The following OGT variants were observed in gnomAD, a reference collection of about 807,000 sequenced individuals.
The protein encoded by OGT is O-linked N-acetylglucosamine (GlcNAc) transferase.
A neutral mutation model predicts 75.8 loss-of-function variants in OGT; 3 were observed. The ratio of observed to expected loss-of-function variants is 0.04; its 90% CI spans 0.02 to 0.10. The LOEUF is 0.10. OGT is among the 10% of genes least tolerant of loss of function. The pLI, the probability that OGT is intolerant of heterozygous loss-of-function variation, is 1.00. For synonymous variants in OGT, 257 were observed against 289.7 expected (o/e 0.89, Z 1.15); for missense variants, 260 against 824.4 (o/e 0.32, Z 8.38).
intron 3 of OGT, among the ~76,000 whole-genome samples, chrX:71,541,125 A>C (rs2040215661): frequency 8.9e-6 from 1 of 111,869 alleles, no homozygotes; most frequent in Non-Finnish European, 1.9e-5. Flanking sequence ...TATAACCCTG[A>C]GTTGTTTTAA....
Position 71,573,993 on chromosome X carries a change from A to G in OGT, c.*199A>G, listed in dbSNP as rs1054217056. 18 of 326,836 alleles carry G rather than the reference A, an allele frequency of 5.5e-5. No individual in the cohort carries two copies. Among genetic ancestry groups the G allele is most frequent in the Non-Finnish European group, 8.9e-5 (17 of 190,683 alleles). The allele number at this position is 326,836 out of a possible 1,213,427, so 26.9% of individuals were successfully genotyped here. ...ACAAAAGATGGGAAACTGCTTTTCC[A>G]CAAGGAATCTCCGTAGAATTTTGCG... On this transcript the variant is annotated 3_prime_UTR_variant, in exon 22 of 22. Transcript: ENST00000373719.
intron 4 of OGT, chrX:71,547,162 T>C: frequency 1.3e-5 from 10 of 754,584 alleles, no homozygotes; most frequent in Non-Finnish European, 1.6e-5. Context: ...TCAGTCCTCC[T>C]TGGGAGACGG....
At chrX:71,553,407 T>C (rs2040320935) in intron 5 of OGT, among the ~76,000 whole-genome samples, 1 of 111,812 alleles carries the variant, frequency 8.9e-6, no homozygotes, top group Admixed American at 9.5e-5. Flanking sequence ...GAAGTGTTCT[T>C]TATCAGTCTT....
chrX:71,556,417 G>A (rs1324209493), intron 8 of OGT: 2 of 358,556 alleles, frequency 5.6e-6, no homozygotes, highest in Non-Finnish European at 4.8e-6. Flanking sequence ...AGATGTGGTA[G>A]GAGTTTAGCA....
chrX:71,544,557 G>C lies in OGT; in HGVS notation c.463-10G>C. 8.3e-7 allele frequency: 1 copy of C among 1,205,346 alleles called. No individual in the cohort carries two copies. Among genetic ancestry groups the C allele is most frequent in the East Asian group, 3.0e-5 (1 of 33,807 alleles). On this transcript the variant is annotated splice_polypyrimidine_tract_variant and intron_variant, in intron 3 of 21. Coordinates refer to ENST00000373719, the MANE Select transcript of OGT (RefSeq NM_181672.3). ...GAGTATAATTAATGACAGCGTCTCT[G>C]GGTTTCTAGGATTTGTACTGTGTTC...
chrX:71,543,760 G>T lies in OGT; in HGVS notation c.463-807G>T. 4.8e-5 allele frequency among the ~76,000 whole-genome samples: 3 copies of T among 62,545 alleles called. No homozygotes were observed. The East Asian group carries it at 3.0e-3, about 62-fold the overall frequency. The allele number at this position is 62,545 out of a possible 115,157, so 54.3% of individuals were successfully genotyped here. A position where few individuals can be genotyped will look rare whatever the true frequency, so the allele number is the denominator to read the frequency against. ...TGTGTGTGTGTGTGTGTGTGTGTGT[G>T]TGTGTGTATATATATATATATATAT... On this transcript the variant is annotated intron_variant, in intron 3 of 21. Transcript: ENST00000373719.
At chrX:71,567,807 TGGG>T in intron 20 of OGT, 55 bp downstream of exon 20, 1 of 1,136,828 alleles carries the variant, frequency 8.8e-7, no homozygotes, top group South Asian at 2.1e-5. Context: ...AATCTCCGTT[TGGG>T]GGAGAAACTT....
Position 71,559,600 on chromosome X carries a change from G to T in OGT, c.1774G>T (p.Ala592Ser), listed in dbSNP as rs1474188898. The change falls in exon 14 of 22, where the codon GCC (alanine) becomes TCC (serine). Residue 592 changes from alanine to serine, a missense_variant. By Grantham distance (99) the Ala-to-Ser change is moderately conservative. Coordinates refer to ENST00000373719, the MANE Select transcript of OGT (RefSeq NM_181672.3). ...TGCTGCCTTTCAGGTGTTCTGTTAT[G>T]CCCTGAGCCCAGACGATGGCACAAA... is the stretch of plus-strand genomic sequence containing the variant. Reference protein sequence around the residue: ...NPDKFEVFCYALSPDDGTNFR... With the variant: ...NPDKFEVFCYSLSPDDGTNFR... 1 of 1,209,866 alleles carries T rather than the reference G, an allele frequency of 8.3e-7. No individual in the cohort carries two copies.
chrX:71,561,820 A>C lies in OGT; in HGVS notation c.1897A>C (p.Ile633Leu). The change falls in exon 15 of 22, where the codon ATT (isoleucine) becomes CTT (leucine). Residue 633 changes from isoleucine (I) to leucine (L), a missense_variant. Coordinates refer to ENST00000373719, the MANE Select transcript of OGT (RefSeq NM_181672.3). ...KAADRIHQDGIHILVNMNGYT... is the reference protein window; with the variant it reads ...KAADRIHQDGLHILVNMNGYT... Reference sequence around the variant, plus strand: ...AGCTGATCGCATCCATCAGGATGGAATTCATATCCTTGTAAATATGAATGG... The same window carrying C: ...AGCTGATCGCATCCATCAGGATGGACTTCATATCCTTGTAAATATGAATGG... 8.3e-7 allele frequency: 1 copy of C among 1,207,305 alleles called. No homozygotes were observed. The highest frequency in any genetic ancestry group is 1.8e-5 in the South Asian group (1 of 56,377).
chrX:71,538,405 T>C (rs1207543584), intron 3 of OGT, among the ~76,000 whole-genome samples: 1 of 112,391 alleles, frequency 8.9e-6, no homozygotes, highest in Non-Finnish European at 1.9e-5. Flanking sequence ...AGTTAATTGA[T>C]TTTCAAGGAA....
At chrX:71,554,769 T>C (rs970769321) in intron 6 of OGT, among the ~76,000 whole-genome samples, 177 bp downstream of exon 6, 2 of 112,354 alleles carry the variant, frequency 1.8e-5, no homozygotes, top group Non-Finnish European at 3.8e-5. Context: ...TTGCCTGACT[T>C]TTTGTTGTTG....
intron 21 of OGT, among the ~76,000 whole-genome samples, chrX:71,568,692 G>C (rs1602156480): frequency 9.0e-6 from 1 of 110,814 alleles, no homozygotes; most frequent in African/African-American, 3.3e-5. Context: ...GTTGGGTGTG[G>C]TGGCATGTGC....
rs753556583 is a variant in OGT, at chrX:71,563,361, T to C, written c.2298T>C (p.Asp766=). Residue 766 remains aspartate (D), a synonymous_variant, in exon 18 of 22, where the codon GAT becomes GAC. Transcript: ENST00000373719. The part of the protein sequence containing the change: ...MKCPDGGDNA[D]SSNTALNMPV... ...GTCCTGATGGAGGAGACAATGCAGA[T>C]AGCAGTAACACAGCTCTTAATATGC... The C allele has an allele frequency of 1.7e-6, 2 of 1,206,826 alleles. No homozygotes were observed. The highest frequency in any genetic ancestry group is 1.1e-6 in the Non-Finnish European group (1 of 892,980).
At chrX:71,568,251 C>A in intron 21 of OGT, 135 bp downstream of exon 21, 1 of 442,344 alleles carries the variant, frequency 2.3e-6, no homozygotes, top group Non-Finnish European at 3.5e-6. Flanking sequence ...AGAAGTACTT[C>A]TAAACTCTTA....
intron 3 of OGT, among the ~76,000 whole-genome samples, chrX:71,540,935 A>AG (rs1190282242): frequency 9.0e-6 from 1 of 111,530 alleles, no homozygotes; most frequent in East Asian, 2.8e-4. Flanking sequence ...AGCCTCCCAA[A>AG]GTGCTGGGAT....
chrX:71,558,248 G>T (rs1360968293), intron 12 of OGT, among the ~76,000 whole-genome samples: 1 of 111,207 alleles, frequency 9.0e-6, no homozygotes, highest in Non-Finnish European at 1.9e-5. Context: ...ACCGCGCCTG[G>T]CCAGCCATCA....
In OGT at chrX:71,548,029, T is replaced by A; in HGVS notation, c.648+6T>A. ...CAATTCATCACTTTGAAAAGGTTAG[T>A]CATTAAATTAATAATTGGTATTTTT... On this transcript the variant is annotated splice_donor_region_variant and intron_variant, in intron 5 of 21. Coordinates refer to ENST00000373719, the MANE Select transcript of OGT (RefSeq NM_181672.3). The A allele has an allele frequency of 8.3e-7, 1 of 1,206,895 alleles. No individual in the cohort carries two copies. The highest frequency in any genetic ancestry group is 1.8e-5 in the South Asian group (1 of 56,281).
At chrX:71,560,596 G>A (rs1262301959) in intron 14 of OGT, among the ~76,000 whole-genome samples, 1 of 111,874 alleles carries the variant, frequency 8.9e-6, no homozygotes, top group Admixed American at 9.5e-5. Flanking sequence ...AAATATACAT[G>A]TGTATGTGTA....
At chrX:71,557,698 T>C (rs1174116639) in intron 12 of OGT, 26 bp downstream of exon 12, 5 of 1,122,361 alleles carry the variant, frequency 4.5e-6, no homozygotes, top group Non-Finnish European at 4.8e-6. Flanking sequence ...TTTAATCTTT[T>C]TGTTGTAAAC....
Sources: gnomAD v4.1 joint callset for allele counts (sites outside exome capture counted in the v4.1 genomes callset) on GRCh38, gnomAD v4.1.1 for gene constraint, MANE v1.5 for transcripts, NCBI Gene and HGNC (gene_info 2026-07-23, HGNC 2026-07-21) for gene names.